Variants in PSG3 observed in about 807,000 individuals in gnomAD.
PSG3 encodes pregnancy specific beta-1-glycoprotein 3.
A neutral mutation model predicts 47.5 loss-of-function variants in PSG3; 61 were observed. The observed-to-expected ratio is 1.28, with a 90% CI of 1.05 to 1.59. The LOEUF (loss-of-function observed/expected upper bound fraction) is 1.59. Among genes scored for constraint, PSG3 ranks in the 40% most tolerant of loss-of-function variants. The probability of loss-of-function intolerance (pLI) is 0.00; values close to 1 mark genes in which losing one functional copy is unlikely to be tolerated. For synonymous variants in PSG3, 263 were observed against 198.4 expected (o/e 1.33, Z -2.74); for missense variants, 756 against 524.0 (o/e 1.44, Z -4.32).
At chr19:42,729,493 A>C (rs1303586916) in intron 4 of PSG3, 116 bp from the exon 5 acceptor site, 18 of 1,503,998 alleles carry the variant, frequency 1.2e-5, no homozygotes, top group East Asian at 6.8e-5. Context: ...AGTGCCAGCC[A>C]AACCCCCTCT....
At chr19:42,727,516 C>A (rs1321942153) in intron 5 of PSG3, among the ~76,000 whole-genome samples, 1 of 152,204 alleles carries the variant, frequency 6.6e-6, no homozygotes, top group Non-Finnish European at 1.5e-5. Context: ...AGTTCCTCAG[C>A]ATCAGGAATA....
chr19:42,737,686 C>G (rs568584155), intron 2 of PSG3, among the ~76,000 whole-genome samples: 5 of 152,092 alleles, frequency 3.3e-5, no homozygotes, highest in Non-Finnish European at 7.3e-5. Flanking sequence ...TGATTGGAAC[C>G]CAGTAAGCCC....
chr19:42,727,817 A>C (rs375522180), intron 5 of PSG3, among the ~76,000 whole-genome samples: 5 of 152,358 alleles, frequency 3.3e-5, no homozygotes, highest in South Asian at 2.1e-4. Flanking sequence ...AATATTTGTA[A>C]ACTGATGTTC....
At chr19:42,735,688 G>A (rs1969552031) in intron 2 of PSG3, among the ~76,000 whole-genome samples, 1 of 152,196 alleles carries the variant, frequency 6.6e-6, no homozygotes, top group African/African-American at 2.4e-5. Flanking sequence ...ATGAGTTGTT[G>A]ACTTTTGAGT....
intron 2 of PSG3, among the ~76,000 whole-genome samples, chr19:42,735,416 G>A (rs1428873168): frequency 2.0e-5 from 3 of 151,952 alleles, no homozygotes; most frequent in Admixed American, 1.3e-4. Context: ...ACCTAGGCTG[G>A]AGTGCAGTGG....
chr19:42,737,348 T>C (rs1182481890), intron 2 of PSG3, among the ~76,000 whole-genome samples: 2 of 152,162 alleles, frequency 1.3e-5, no homozygotes, highest in African/African-American at 2.4e-5. Context: ...ATTCCATTTC[T>C]TCATTTGTTA....
chr19:42,723,905 C>T (rs906064582), intron 6 of PSG3, 37 bp downstream of exon 6: 33 of 1,485,602 alleles, frequency 2.2e-5, no homozygotes, highest in South Asian at 1.8e-4. Flanking sequence ...GGCAGTTAGC[C>T]CTGCAGGAAC....
At chr19:42,731,989 T>C (rs1969479837) in intron 3 of PSG3, 2 of 151,822 alleles carry the variant, frequency 1.3e-5, no homozygotes, top group South Asian at 2.1e-4. Flanking sequence ...CAAAAGCTGG[T>C]GGTTTTGGAG....
chr19:42,725,323 T>G (rs143188071), intron 5 of PSG3, among the ~76,000 whole-genome samples: 73 of 151,708 alleles, frequency 4.8e-4, no homozygotes, highest in African/African-American at 1.7e-3. Flanking sequence ...AGAAGAAAGA[T>G]CTCAGGTCAA....
chr19:42,737,332 T>G (rs1483992580), intron 2 of PSG3, among the ~76,000 whole-genome samples: 1 of 152,132 alleles, frequency 6.6e-6, no homozygotes, highest in Non-Finnish European at 1.5e-5. Context: ...GATCATTCAT[T>G]TCTTCATTCC....
chr19:42,740,132 T>G (rs921000204), intron 1 of PSG3, among the ~76,000 whole-genome samples, 189 bp downstream of exon 1: 2 of 152,074 alleles, frequency 1.3e-5, no homozygotes, highest in Admixed American at 6.6e-5. Flanking sequence ...TTTTGTATTT[T>G]TAGTAGAGAC....
In PSG3 at chr19:42,729,785, A is replaced by G; in HGVS notation, c.981T>C (p.Asn327=). The change falls in exon 4 of 7, where the codon AAT becomes AAC. Residue 327 remains asparagine, a synonymous_variant. Coordinates refer to ENST00000327495, the MANE Select transcript of PSG3 (RefSeq NM_021016.4). ...GGIRSYPVTL[N]VLYGPDLPRI... Reference sequence around the variant, plus strand: ...GGAACAAAAGATACTCACAGAGGACATTCAGGGTGACTGGGTAACTGCGGA... The same window carrying G: ...GGAACAAAAGATACTCACAGAGGACGTTCAGGGTGACTGGGTAACTGCGGA... 3.7e-6 allele frequency: 6 copies of G among 1,613,748 alleles called. No individual in the cohort carries two copies. Among genetic ancestry groups the G allele is most frequent in the South Asian group, 1.1e-5 (1 of 91,050 alleles).
In PSG3 at chr19:42,732,860, A is replaced by G. The variant is rs1383272968; in HGVS notation, c.633T>C (p.Thr211=). The G allele has an allele frequency of 1.2e-6, 2 of 1,614,144 alleles. No homozygotes were observed. Among genetic ancestry groups the G allele is most frequent in the Admixed American group, 1.7e-5 (1 of 60,018 alleles). The part of the protein sequence containing the change: ...TLFLFGVTKY[T]AGPYECEIRN... ...GTATTTCACATTCATAGGGTCCTGC[A>G]GTGTACTTTGTGACACCAAATAGAA... Residue 211 remains threonine (T), a synonymous_variant, in exon 3 of 7, where the codon ACT becomes ACC. Coordinates refer to ENST00000327495, the MANE Select transcript of PSG3 (RefSeq NM_021016.4).
intron 5 of PSG3, 158 bp downstream of exon 5, chr19:42,728,965 C>T (rs1002914748): frequency 2.6e-6 from 4 of 1,548,504 alleles, no homozygotes; most frequent in East Asian, 2.2e-5. Flanking sequence ...AGAAGAGAGT[C>T]TGTAGAGACA....
rs11879195 is a variant in PSG3 at position 42,733,280 on chromosome 19, C to G, written c.431-218G>C. On this transcript the variant is annotated intron_variant, in intron 2 of 6. Coordinates refer to ENST00000327495, the MANE Select transcript of PSG3 (RefSeq NM_021016.4). ...GTGGGAGAAGCACAGACTTTCTTAACTGTGAATTGAGCAGCAGCATTGGGT... is the reference window on the plus strand; with the variant it reads ...GTGGGAGAAGCACAGACTTTCTTAAGTGTGAATTGAGCAGCAGCATTGGGT... The G allele has an allele frequency of 7.0e-3, 7,419 of 1,060,340 alleles. 369 individuals are homozygous for G. In the African/African-American group the frequency reaches 0.11, roughly 16 times the overall value. The allele number at this position is 1,060,340 out of a possible 1,614,324, so 65.7% of individuals were successfully genotyped here. A position where few individuals can be genotyped will look rare whatever the true frequency, so the allele number is the denominator to read the frequency against.
Position 42,738,881 on chromosome 19 carries a change from A to G in PSG3, c.273T>C (p.Tyr91=), listed in dbSNP as rs1463886202. The change falls in exon 2 of 7, where the codon TAT becomes TAC. Residue 91 remains tyrosine, a synonymous_variant. Transcript: ENST00000327495. The part of the protein sequence containing the change: ...SYVVDGQIII[Y]GPAYSGRETV... ...TTTCTCGTCCACTGTATGCAGGCCC[A>G]TATATAATTATTTGACCATCTACTA... 1 of 1,614,102 alleles carries G rather than the reference A, an allele frequency of 6.2e-7. No homozygotes were observed. Among genetic ancestry groups the G allele is most frequent in the South Asian group, 1.1e-5 (1 of 91,086 alleles).
chr19:42,734,445 A>G (rs1364694846), intron 2 of PSG3, among the ~76,000 whole-genome samples: 2 of 152,174 alleles, frequency 1.3e-5, no homozygotes, highest in Non-Finnish European at 2.9e-5. Context: ...AATTTGTAAT[A>G]CTGTAATTTT....
intron 1 of PSG3, 115 bp downstream of exon 1, chr19:42,740,206 C>A (rs1055644713): frequency 6.3e-7 from 1 of 1,595,688 alleles, no homozygotes; most frequent in Non-Finnish European, 8.5e-7. Flanking sequence ...CCCTCCTCAG[C>A]CTCCCTAAGT....
chr19:42,730,597 A>G (rs1283858954), intron 3 of PSG3, among the ~76,000 whole-genome samples: 1 of 152,202 alleles, frequency 6.6e-6, no homozygotes, highest in Non-Finnish European at 1.5e-5. Context: ...GGAGACCAGA[A>G]TCAAGCCTGG....
Sources: allele counts gnomAD v4.1 joint callset (sites outside exome capture counted in the v4.1 genomes callset), GRCh38; gene constraint gnomAD v4.1.1; transcripts MANE v1.5; gene names NCBI Gene and HGNC (gene_info 2026-07-23, HGNC 2026-07-21).